Variants in GRM1 observed in about 807,000 individuals in gnomAD.
The protein encoded by GRM1 is metabotropic glutamate receptor 1.
GRM1 carries 33 observed loss-of-function variants against 90.9 expected under a neutral mutation model. The ratio of observed to expected loss-of-function variants is 0.36; its 90% confidence interval spans 0.28 to 0.49. The LOEUF (loss-of-function observed/expected upper bound fraction) is 0.49. GRM1 is among the 20% of genes least tolerant of loss of function. The pLI is 0.99. For synonymous variants in GRM1, 700 were observed against 613.2 expected, an observed-to-expected ratio of 1.14 and a Z score of -2.09; for missense variants, 1,190 against 1,534.3, an observed-to-expected ratio of 0.78 and a Z score of 3.75.
chr6:146,427,597 G>C (rs1485332291), intron 7 of GRM1, among the ~76,000 whole-genome samples: 2 of 152,184 alleles, frequency 1.3e-5, no homozygotes, highest in African/African-American at 2.4e-5. Flanking sequence ...GGAGTGCAAT[G>C]GGAAGTCTGT....
Position 146,159,637 on chromosome 6 carries a change from TCTCTCACA to T in GRM1, c.950+42_950+49del, listed in dbSNP as rs771908028. ...CTCTCTCTCTCTCTCTCTCTCTCTC[TCTCTCACA>T]CACACACATGCACACACACACTTTG... On this transcript the variant is annotated intron_variant, in intron 2 of 7. Transcript: ENST00000282753. The T allele has an allele frequency of 3.8e-5, 48 of 1,261,026 alleles. No individual in the cohort carries two copies. In the African/African-American group the frequency reaches 6.8e-4, roughly 18 times the overall value. 78.1% of individuals were successfully genotyped at this position (1,261,026 alleles called of 1,614,324 possible).
At chr6:146,185,060 CACAAT>C (rs895461825) in intron 2 of GRM1, among the ~76,000 whole-genome samples, 2 of 152,164 alleles carry the variant, frequency 1.3e-5, no homozygotes, top group African/African-American at 4.8e-5. Flanking sequence ...TTTCCATGCG[CACAAT>C]ACATTAACCT....
chr6:146,033,132 G>A (rs1157744143), intron 1 of GRM1, among the ~76,000 whole-genome samples: 1 of 152,130 alleles, frequency 6.6e-6, no homozygotes, highest in East Asian at 1.9e-4. Flanking sequence ...TCCAGAAATT[G>A]TTCATGATTA....
At chr6:146,068,020 G>T (rs978449590) in intron 1 of GRM1, among the ~76,000 whole-genome samples, 4 of 152,074 alleles carry the variant, frequency 2.6e-5, no homozygotes, top group Non-Finnish European at 5.9e-5. Context: ...TTAAAAGGTC[G>T]CTTATAGCTT....
intron 2 of GRM1, among the ~76,000 whole-genome samples, chr6:146,288,615 C>T (rs1056131201): frequency 6.6e-6 from 1 of 152,004 alleles, no homozygotes; most frequent in African/African-American, 2.4e-5. Context: ...AAGCGATTCT[C>T]CTGCCTCAGC....
intron 2 of GRM1, among the ~76,000 whole-genome samples, chr6:146,213,526 ATAT>A (rs1206110564): frequency 6.6e-6 from 1 of 152,172 alleles, no homozygotes; most frequent in Non-Finnish European, 1.5e-5. Flanking sequence ...TATTGTACAT[ATAT>A]TCCCACTGAC....
chr6:146,381,826 C>G (rs1376043476), intron 5 of GRM1, among the ~76,000 whole-genome samples: 1 of 152,162 alleles, frequency 6.6e-6, no homozygotes, highest in East Asian at 1.9e-4. Flanking sequence ...ACTTTTCCAC[C>G]ATTATGTTCT....
chr6:146,134,701 C>G (rs181411874), intron 1 of GRM1, among the ~76,000 whole-genome samples: 1 of 152,166 alleles, frequency 6.6e-6, no homozygotes, highest in Admixed American at 6.5e-5. Context: ...GAGGCCATGG[C>G]GGGTGGATCA....
At chr6:146,051,361 C>T (rs895130219) in intron 1 of GRM1, among the ~76,000 whole-genome samples, 7 of 151,962 alleles carry the variant, frequency 4.6e-5, no homozygotes, top group Non-Finnish European at 7.4e-5. Flanking sequence ...AAGTGACTTC[C>T]CCTCCATCTG....
intron 2 of GRM1, among the ~76,000 whole-genome samples, chr6:146,275,358 G>T (rs923468504): frequency 1.3e-5 from 2 of 152,118 alleles, no homozygotes; most frequent in Non-Finnish European, 2.9e-5. Context: ...GCTGGGGGTT[G>T]CTAGGCGTGT....
intron 2 of GRM1, among the ~76,000 whole-genome samples, chr6:146,209,538 C>G (rs575866827): frequency 6.6e-6 from 1 of 151,992 alleles, no homozygotes; most frequent in Admixed American, 6.6e-5. Context: ...ACCTTTTATT[C>G]TACTATATAG....
chr6:146,102,777 C>T lies in GRM1; in HGVS notation c.701-56571C>T, dbSNP rs140416450. On this transcript the variant is annotated intron_variant, in intron 1 of 7. Transcript: ENST00000282753. Reference sequence around the variant, plus strand: ...CCCAACAGAGTATCATACAAGTACTCACTTACTGATTTTTTTCAACACTTT... The same window carrying T: ...CCCAACAGAGTATCATACAAGTACTTACTTACTGATTTTTTTCAACACTTT... Among the ~76,000 whole-genome samples the T allele has an allele frequency of 1.5e-3, 236 of 152,278 alleles. 6 individuals carry two copies. Among genetic ancestry groups the T allele is most frequent in the East Asian group, 7.7e-4 (4 of 5,184 alleles).
chr6:146,150,336 T>C (rs1032232852), intron 1 of GRM1, among the ~76,000 whole-genome samples: 6 of 152,170 alleles, frequency 3.9e-5, no homozygotes, highest in African/African-American at 1.4e-4. Flanking sequence ...ATTACAATAG[T>C]TTTCCAGAAG....
chr6:146,086,500 T>C (rs1393273585), intron 1 of GRM1, among the ~76,000 whole-genome samples: 2 of 151,938 alleles, frequency 1.3e-5, no homozygotes, highest in Non-Finnish European at 2.9e-5. Flanking sequence ...TGGAGAGGAG[T>C]GAAAGAGGGG....
intron 2 of GRM1, among the ~76,000 whole-genome samples, chr6:146,265,745 G>T (rs1447347082): frequency 6.6e-6 from 1 of 152,068 alleles, no homozygotes; most frequent in Non-Finnish European, 1.5e-5. Context: ...TCTCCTTATG[G>T]CTAGCCAATT....
chr6:146,335,951 A>G (rs1263695992), intron 3 of GRM1, among the ~76,000 whole-genome samples: 1 of 152,134 alleles, frequency 6.6e-6, no homozygotes, highest in African/African-American at 2.4e-5. Context: ...TACAGAGGGC[A>G]GTTCCCCTGC....
chr6:146,034,492 T>C (rs1314312563), intron 1 of GRM1, among the ~76,000 whole-genome samples: 1 of 152,032 alleles, frequency 6.6e-6, no homozygotes. Flanking sequence ...ATTTTGTTAC[T>C]GTTACCATTA....
chr6:146,256,423 C>A (rs1272246721), intron 2 of GRM1, among the ~76,000 whole-genome samples: 4 of 152,190 alleles, frequency 2.6e-5, no homozygotes, highest in Non-Finnish European at 5.9e-5. Flanking sequence ...GCCCTTCACT[C>A]CTCCCCCAGT....
intron 2 of GRM1, among the ~76,000 whole-genome samples, chr6:146,199,586 T>A (rs1779229637): frequency 6.6e-6 from 1 of 152,180 alleles, no homozygotes; most frequent in Non-Finnish European, 1.5e-5. Flanking sequence ...CTCACTGTAT[T>A]CCTAGCAGAG....
Sources: gnomAD v4.1 joint callset for allele counts (sites outside exome capture counted in the v4.1 genomes callset) on GRCh38, gnomAD v4.1.1 for gene constraint, MANE v1.5 for transcripts, NCBI Gene and HGNC (gene_info 2026-07-23, HGNC 2026-07-21) for gene names.